The following PLA1A variants were observed in gnomAD, a reference collection of about 807,000 sequenced individuals.
PLA1A encodes phosphatidylserine-specific phospholipase A1alpha.
Under a neutral mutation model 49.4 loss-of-function variants are expected in PLA1A, and 47 were observed. The ratio of observed to expected loss-of-function variants is 0.95; its 90% CI spans 0.75 to 1.21. The LOEUF (loss-of-function observed/expected upper bound fraction) is 1.21, where lower values mean the gene tolerates loss of function less well. Ranked by LOEUF, PLA1A falls within the 50% of genes most tolerant of loss-of-function variation. The pLI, the probability that PLA1A is intolerant of heterozygous loss-of-function variation, is 0.00. For missense variants in PLA1A, 561 were observed against 563.9 expected (o/e 0.99, Z 0.05); for synonymous variants, 224 against 207.9 (o/e 1.08, Z -0.67).
At chr3:119,609,631 T>C (rs1483054006) in intron 4 of PLA1A, 55 bp downstream of exon 4, 16 of 975,262 alleles carry the variant, frequency 1.6e-5, no homozygotes, top group Admixed American at 1.1e-4. Flanking sequence ...AAGCTTGCCC[T>C]GAAAATATCT....
Position 119,616,000 on chromosome 3 carries a change from G to A in PLA1A, c.665-12G>A. 1 of 1,586,362 alleles carries A rather than the reference G, an allele frequency of 6.3e-7. No individual in the cohort carries two copies. Among genetic ancestry groups the A allele is most frequent in the Non-Finnish European group, 8.7e-7 (1 of 1,155,006 alleles). ...GAAGTAAGGAAGTTAATGGAGTTGT[G>A]CCTCCTTTCAGATTTGGGTATTCGG... On this transcript the variant is annotated splice_polypyrimidine_tract_variant and intron_variant, in intron 5 of 10. Transcript: ENST00000273371.
At chr3:119,602,856 G>A (rs1179102116) in intron 1 of PLA1A, among the ~76,000 whole-genome samples, 4 of 152,144 alleles carry the variant, frequency 2.6e-5, no homozygotes, top group Non-Finnish European at 5.9e-5. Context: ...GGATGTGAGA[G>A]TAGACAAGAG....
At position 119,619,635 on chromosome 3, in the gene PLA1A, C is replaced by T. The variant is rs747464073; in HGVS notation, c.995C>T (p.Ser332Phe). The change falls in exon 8 of 11, where the codon TCC becomes TTC. Residue 332 changes from serine (S) to phenylalanine (F), a missense_variant. Ser to Phe is a radical substitution (Grantham distance 155, BLOSUM62 -2). Coordinates refer to ENST00000273371, the MANE Select transcript of PLA1A (RefSeq NM_015900.4). The stretch of plus-strand genomic sequence containing the variant: ...GTGAAAGTCTACCTCCTGACTACTT[C>T]CAGTGCTCCGTACTGCAGTGAGTAG... ...KEVKVYLLTT[S>F]SAPYCMHHSL... 1.9e-6 allele frequency: 3 copies of T among 1,610,978 alleles called. No individual in the cohort carries two copies. Among genetic ancestry groups the T allele is most frequent in the Non-Finnish European group, 2.5e-6 (3 of 1,177,216 alleles).
Position 119,606,851 on chromosome 3 carries a change from G to T in PLA1A, c.151G>T (p.Val51Phe), listed in dbSNP as rs912222008. The T allele has an allele frequency of 1.2e-6, 2 of 1,614,096 alleles. No homozygotes were observed. Among genetic ancestry groups the T allele is most frequent in the African/African-American group, 2.7e-5 (2 of 74,942 alleles). ...CCTTTTTGAAGGCACCGATCTCAAA[G>T]TCCAGTTTCTCCTCTTTGTCCCTTC... ...ANLFEGTDLKVQFLLFVPSNP... is the reference protein window; with the variant it reads ...ANLFEGTDLKFQFLLFVPSNP... The change falls in exon 2 of 11, where the codon GTC (valine) becomes TTC (phenylalanine). Residue 51 changes from valine to phenylalanine, a missense_variant. Physicochemically the swap from Val to Phe is conservative, Grantham distance 50. Transcript: ENST00000273371.
rs1328828061 is a variant in PLA1A at position 119,608,900 on chromosome 3, G to T, written c.406G>T (p.Val136Leu). The T allele has an allele frequency of 6.2e-7, 1 of 1,614,024 alleles. No individual in the cohort carries two copies. Among genetic ancestry groups the T allele is most frequent in the Non-Finnish European group, 8.5e-7 (1 of 1,179,988 alleles). The change falls in exon 3 of 11, where the codon GTG becomes TTG. Residue 136 changes from valine (V) to leucine (L), a missense_variant. Transcript: ENST00000273371. The part of the protein sequence containing the change: ...TGVYFSAVKN[V>L]IKLSLEISLF... ...AGTCTACTTCTCAGCTGTGAAAAAT[G>T]TGATTAAGTTGAGCCTCGAGATCTC...
In PLA1A at chr3:119,609,417, A is replaced by G. The variant is rs575085584; in HGVS notation, c.454-51A>G. 1.9e-4 allele frequency: 220 copies of G among 1,149,760 alleles called. No individual in the cohort carries two copies. In the East Asian group the frequency reaches 4.7e-3, roughly 25 times the overall value. The allele number at this position is 1,149,760 out of a possible 1,614,324, so 71.2% of individuals were successfully genotyped here. ...TTTGGGGGAAAGCCTGCCACTGTGA[A>G]GCCAGCAGACTCTGTGGCCCACGGG... On this transcript the variant is annotated intron_variant, in intron 3 of 10. Transcript: ENST00000273371.
intron 1 of PLA1A, among the ~76,000 whole-genome samples, chr3:119,600,596 A>T (rs957165442): frequency 2.0e-5 from 3 of 152,222 alleles, no homozygotes; most frequent in African/African-American, 7.2e-5. Context: ...CACACAGGAC[A>T]CATTCAATAA....
chr3:119,615,399 A>G (rs1239077345), intron 5 of PLA1A, among the ~76,000 whole-genome samples: 3 of 152,242 alleles, frequency 2.0e-5, no homozygotes, highest in Non-Finnish European at 4.4e-5. Context: ...CTATTACTCA[A>G]AGGAAAACCA....
intron 10 of PLA1A, among the ~76,000 whole-genome samples, chr3:119,629,132 G>T (rs1399230104): frequency 6.6e-6 from 1 of 152,098 alleles, no homozygotes; most frequent in South Asian, 2.1e-4. Flanking sequence ...CTCCTCTGTG[G>T]CCTCCACTCC....
chr3:119,621,214 G>A (rs2082924792), intron 8 of PLA1A, among the ~76,000 whole-genome samples: 1 of 152,180 alleles, frequency 6.6e-6, no homozygotes, highest in Admixed American at 6.5e-5. Flanking sequence ...GGGAATGCCT[G>A]GAGACTAACA....
rs750986427 is a variant in PLA1A, at chr3:119,608,867, T to C, written c.373T>C (p.Ser125Pro). ...GATTGCCGTGGACTGGATTTATGGG[T>C]CTACAGGAGTCTACTTCTCAGCTGT... ...NVIAVDWIYG[S>P]TGVYFSAVKN... The change falls in exon 3 of 11, where the codon TCT (serine) becomes CCT (proline). Residue 125 changes from serine (S) to proline (P), a missense_variant. Ser to Pro is a moderately conservative substitution (Grantham distance 74). Coordinates refer to ENST00000273371, the MANE Select transcript of PLA1A (RefSeq NM_015900.4). 1 of 1,613,804 alleles carries C rather than the reference T, an allele frequency of 6.2e-7. No individual in the cohort carries two copies. Among genetic ancestry groups the C allele is most frequent in the East Asian group, 2.2e-5 (1 of 44,894 alleles).
chr3:119,608,917 C>G lies in PLA1A; in HGVS notation c.423C>G (p.Leu141=), dbSNP rs756705282. 1.2e-6 allele frequency: 2 copies of G among 1,613,922 alleles called. No individual in the cohort carries two copies. The highest frequency in any genetic ancestry group is 1.7e-6 in the Non-Finnish European group (2 of 1,179,966). The stretch of plus-strand genomic sequence containing the variant: ...TGAAAAATGTGATTAAGTTGAGCCT[C>G]GAGATCTCCCTTTTCCTCAATAAAC... ...SAVKNVIKLS[L]EISLFLNKLL... Residue 141 remains leucine (L), a synonymous_variant, in exon 3 of 11, where the codon CTC becomes CTG. Transcript: ENST00000273371.
intron 7 of PLA1A, 57 bp downstream of exon 7, chr3:119,618,243 A>G: frequency 7.0e-7 from 1 of 1,421,370 alleles, no homozygotes; most frequent in South Asian, 1.3e-5. Flanking sequence ...AAGCCCTGCT[A>G]GTTGTCCCCT....
Position 119,625,121 on chromosome 3 carries a change from T to G in PLA1A, c.1013-3T>G. The G allele has an allele frequency of 1.2e-6, 2 of 1,601,410 alleles. No homozygotes were observed. The highest frequency in any genetic ancestry group is 1.7e-6 in the Non-Finnish European group (2 of 1,168,376). On this transcript the variant is annotated splice_region_variant and splice_polypyrimidine_tract_variant and intron_variant, in intron 8 of 10. Transcript: ENST00000273371. ...CAGTCTCTGTTGTGCTTTGGTTTCC[T>G]AGTGCATCACAGCCTCGTGGAGTTT...
Position 119,619,606 on chromosome 3 carries a change from G to C in PLA1A, c.966G>C (p.Lys322Asn), listed in dbSNP as rs369313978. Residue 322 changes from lysine to asparagine, a missense_variant, in exon 8 of 11, where the codon AAG (lysine) becomes AAC (asparagine). Lys to Asn is a moderately conservative substitution (Grantham distance 94). Transcript: ENST00000273371. ...GTGTCAAGATAGAGCCGCTCCCCAA[G>C]GAAGTGAAAGTCTACCTCCTGACTA... is the stretch of plus-strand genomic sequence containing the variant. ...QGGVKIEPLP[K>N]EVKVYLLTTS... is the part of the protein sequence containing the mutation. The C allele has an allele frequency of 2.9e-5, 47 of 1,613,802 alleles. No homozygotes were observed. Among genetic ancestry groups the C allele is most frequent in the Non-Finnish European group, 3.9e-5 (46 of 1,179,784 alleles).
At chr3:119,624,668 C>A (rs2082991250) in intron 8 of PLA1A, among the ~76,000 whole-genome samples, 2 of 151,622 alleles carry the variant, frequency 1.3e-5, no homozygotes, top group African/African-American at 4.8e-5. Flanking sequence ...TCTTGCTCTG[C>A]CGCCCAGGCT....
At chr3:119,609,352 G>A (rs1322775958) in intron 3 of PLA1A, 116 bp from the exon 4 acceptor site, 2 of 781,230 alleles carry the variant, frequency 2.6e-6, no homozygotes, top group Admixed American at 1.7e-5. Flanking sequence ...CAAAGTAAGT[G>A]TGGTGGGTGT....
intron 1 of PLA1A, among the ~76,000 whole-genome samples, chr3:119,598,291 G>T (rs2082568481): frequency 1.3e-5 from 2 of 152,092 alleles, no homozygotes; most frequent in Admixed American, 1.3e-4. Flanking sequence ...TTAATTCTAA[G>T]ATATTCATTT....
chr3:119,603,797 A>C (rs1046283218), intron 1 of PLA1A, among the ~76,000 whole-genome samples: 1 of 152,250 alleles, frequency 6.6e-6, no homozygotes, highest in African/African-American at 2.4e-5. Context: ...AAGCAAGGCA[A>C]AGAAAATATT....
Sources: gnomAD v4.1 joint callset for allele counts (sites outside exome capture counted in the v4.1 genomes callset) on GRCh38, gnomAD v4.1.1 for gene constraint, MANE v1.5 for transcripts, NCBI Gene and HGNC (gene_info 2026-07-23, HGNC 2026-07-21) for gene names.